Variants in PPP1R9A observed in about 807,000 individuals in gnomAD.
PPP1R9A encodes neurabin-1.
Under a neutral mutation model 141.9 loss-of-function variants are expected in PPP1R9A, and 59 were observed. The observed-to-expected ratio is 0.42, with a 90% CI of 0.34 to 0.52. The LOEUF is 0.52. Ranked by LOEUF, PPP1R9A falls within the 20% of genes least tolerant of loss-of-function variation. The pLI, the probability that PPP1R9A is intolerant of heterozygous loss-of-function variation, is 0.10. For missense variants in PPP1R9A, 1,444 were observed against 1,611.9 expected (o/e 0.90, Z 1.78); for synonymous variants, 500 against 569.7 (o/e 0.88, Z 1.74).
intron 12 of PPP1R9A, among the ~76,000 whole-genome samples, chr7:95,265,593 A>G (rs543517002): frequency 1.3e-5 from 2 of 152,168 alleles, no homozygotes; most frequent in Non-Finnish European, 2.9e-5. Context: ...GACATATTGC[A>G]TGTAGTGTCT....
chr7:94,977,197 A>G (rs1156899034), intron 2 of PPP1R9A, among the ~76,000 whole-genome samples: 1 of 152,154 alleles, frequency 6.6e-6, no homozygotes, highest in Non-Finnish European at 1.5e-5. Context: ...TTCGAAAGGC[A>G]GTTTAGGGGA....
At chr7:95,024,356 T>C (rs1440192345) in intron 2 of PPP1R9A, among the ~76,000 whole-genome samples, 3 of 152,176 alleles carry the variant, frequency 2.0e-5, no homozygotes, top group African/African-American at 7.2e-5. Flanking sequence ...CCTTGAGGTG[T>C]CTGATATACA....
chr7:94,950,673 T>C (rs1435771716), intron 2 of PPP1R9A, among the ~76,000 whole-genome samples: 1 of 152,116 alleles, frequency 6.6e-6, no homozygotes, highest in Admixed American at 6.6e-5. Flanking sequence ...TATACAACTT[T>C]TGTTTAAAAC....
intron 4 of PPP1R9A, among the ~76,000 whole-genome samples, chr7:95,132,350 G>A (rs760511625): frequency 1.9e-4 from 29 of 152,154 alleles, no homozygotes; most frequent in Non-Finnish European, 3.8e-4. Context: ...GTTATTTTGA[G>A]GTATGTTTCT....
chr7:94,983,417 G>A (rs1033644134), intron 2 of PPP1R9A, among the ~76,000 whole-genome samples: 1 of 152,142 alleles, frequency 6.6e-6, no homozygotes, highest in Non-Finnish European at 1.5e-5. Flanking sequence ...AAATTACCTT[G>A]AGCAGTATGG....
At chr7:95,126,667 T>C (rs1399005606) in intron 4 of PPP1R9A, among the ~76,000 whole-genome samples, 1 of 152,174 alleles carries the variant, frequency 6.6e-6, no homozygotes, top group Non-Finnish European at 1.5e-5. Flanking sequence ...GATACAGAAC[T>C]CTGTCTAGGT....
intron 8 of PPP1R9A, among the ~76,000 whole-genome samples, chr7:95,240,663 A>G (rs748581762): frequency 6.6e-6 from 1 of 152,002 alleles, no homozygotes; most frequent in Non-Finnish European, 1.5e-5. Flanking sequence ...ATTCAAATTC[A>G]TTTATGCTTT....
chr7:95,134,525 C>T (rs57138285), intron 4 of PPP1R9A, among the ~76,000 whole-genome samples: 53,571 of 151,996 alleles, frequency 0.35, 10,261 homozygotes, highest in Middle Eastern at 0.48. Context: ...CAACCTCTGC[C>T]TCCCAGGTTC....
chr7:94,908,163 G>A (rs983935862), intron 1 of PPP1R9A: 1 of 150,648 alleles, frequency 6.6e-6, no homozygotes, highest in Non-Finnish European at 1.5e-5. Flanking sequence ...TGAGCGCGGG[G>A]CGAGGAGTTG....
chr7:95,104,843 C>G (rs1019662169), intron 2 of PPP1R9A, among the ~76,000 whole-genome samples: 2 of 152,104 alleles, frequency 1.3e-5, no homozygotes, highest in African/African-American at 4.8e-5. Context: ...TTGTTAGTTT[C>G]AATTTAGAGC....
At chr7:94,998,708 G>A (rs1563099547) in intron 2 of PPP1R9A, among the ~76,000 whole-genome samples, 1 of 152,086 alleles carries the variant, frequency 6.6e-6, no homozygotes, top group African/African-American at 2.4e-5. Context: ...CAGTATATAA[G>A]ATTTCTGCTT....
intron 2 of PPP1R9A, among the ~76,000 whole-genome samples, chr7:95,051,928 C>T (rs772228859): frequency 2.6e-5 from 4 of 151,366 alleles, no homozygotes; most frequent in Admixed American, 1.3e-4. Flanking sequence ...CAACCTCCTC[C>T]TCCAGGGTTC....
intron 4 of PPP1R9A, among the ~76,000 whole-genome samples, chr7:95,136,261 C>G (rs1259466805): frequency 2.0e-5 from 3 of 152,084 alleles, no homozygotes; most frequent in African/African-American, 7.2e-5. Flanking sequence ...CATCTTTACA[C>G]AACATAATAA....
At chr7:95,072,844 TATATA>T (rs1463517643) in intron 2 of PPP1R9A, among the ~76,000 whole-genome samples, 3 of 52,266 alleles carry the variant, frequency 5.7e-5, no homozygotes, top group Non-Finnish European at 8.9e-5. Context: ...ATAATTATTA[TATATA>T]ATATAAGTTA....
At chr7:94,933,620 A>G (rs953671321) in intron 2 of PPP1R9A, among the ~76,000 whole-genome samples, 28 of 152,224 alleles carry the variant, frequency 1.8e-4, no homozygotes, top group African/African-American at 6.3e-4. Context: ...ATAATGGGAC[A>G]TTATCATTTT....
chr7:94,938,855 G>C (rs10231082), intron 2 of PPP1R9A, among the ~76,000 whole-genome samples: 87,206 of 152,024 alleles, frequency 0.57, 25,385 homozygotes, highest in South Asian at 0.73. Flanking sequence ...GTACGTAGTT[G>C]TGAGGATTGA....
chr7:95,234,326 C>T (rs1303276317), intron 8 of PPP1R9A, among the ~76,000 whole-genome samples: 2 of 152,126 alleles, frequency 1.3e-5, no homozygotes, highest in East Asian at 3.8e-4. Flanking sequence ...GAATTCAGCA[C>T]AGTTTCAGGA....
At chr7:94,984,643 T>C (rs1312007793) in intron 2 of PPP1R9A, among the ~76,000 whole-genome samples, 2 of 152,198 alleles carry the variant, frequency 1.3e-5, no homozygotes, top group African/African-American at 4.8e-5. Flanking sequence ...TATTCTCTGA[T>C]GGTAGTTTGT....
chr7:95,148,846 T>A (rs571523972), intron 4 of PPP1R9A, among the ~76,000 whole-genome samples: 1 of 152,050 alleles, frequency 6.6e-6, no homozygotes, highest in Non-Finnish European at 1.5e-5. Flanking sequence ...AAATACTTCG[T>A]GTTCCATTCT....
Sources: allele counts gnomAD v4.1 joint callset (sites outside exome capture counted in the v4.1 genomes callset), GRCh38; gene constraint gnomAD v4.1.1; transcripts MANE v1.5; gene names NCBI Gene and HGNC (gene_info 2026-07-23, HGNC 2026-07-21).